The following PDS5B variants were observed in gnomAD, a reference collection of about 807,000 sequenced individuals.
PDS5B encodes the protein sister chromatid cohesion protein PDS5 homolog B.
PDS5B carries 51 observed loss-of-function variants against 184.1 expected under a neutral mutation model. That is an observed-to-expected ratio of 0.28 (90% CI 0.22 to 0.35). PDS5B has a LOEUF of 0.35. PDS5B is among the 10% of genes least tolerant of loss of function. The pLI is 1.00. For synonymous variants in PDS5B, 566 were observed against 569.2 expected (o/e 0.99, Z 0.08); for missense variants, 1,180 against 1,723.3 (o/e 0.68, Z 5.58).
chr13:32,734,354 T>C (rs115952346), intron 20 of PDS5B, among the ~76,000 whole-genome samples: 313 of 152,300 alleles, frequency 2.1e-3, no homozygotes, highest in African/African-American at 7.3e-3. Context: ...ATTTCTGATA[T>C]CATTTTATAT....
intron 21 of PDS5B, among the ~76,000 whole-genome samples, chr13:32,738,311 T>G (rs1382435359): frequency 1.3e-5 from 2 of 152,234 alleles, no homozygotes; most frequent in Admixed American, 1.3e-4. Context: ...TTATAATGTT[T>G]GTTAAAACTT....
chr13:32,636,241 C>T (rs932842584), intron 1 of PDS5B, among the ~76,000 whole-genome samples: 4 of 152,136 alleles, frequency 2.6e-5, no homozygotes, highest in Admixed American at 1.3e-4. Flanking sequence ...ATGATTCCTA[C>T]TTTTATAGAA....
intron 1 of PDS5B, among the ~76,000 whole-genome samples, chr13:32,626,032 G>T (rs1282067175): frequency 6.6e-6 from 1 of 152,036 alleles, no homozygotes; most frequent in African/African-American, 2.4e-5. Context: ...TAGGTATGGG[G>T]TTTTGCCATG....
At chr13:32,642,565 A>G (rs76361263) in intron 1 of PDS5B, among the ~76,000 whole-genome samples, 7,340 of 152,214 alleles carry the variant, frequency 0.048, 489 homozygotes, top group African/African-American at 0.16. Flanking sequence ...AGGAAAAACA[A>G]CCTGTGTATA....
intron 1 of PDS5B, among the ~76,000 whole-genome samples, chr13:32,586,990 CCCGCCGCCGCCGTCG>C (rs1555284164): frequency 6.4e-5 from 9 of 140,810 alleles, no homozygotes; most frequent in African/African-American, 2.1e-4. Context: ...CCCGCGCCCT[CCCGCCGCCGCCGTCG>C]CCGCCGCCGC....
At chr13:32,662,906 G>C (rs1388121952) in intron 6 of PDS5B, among the ~76,000 whole-genome samples, 1 of 152,000 alleles carries the variant, frequency 6.6e-6, no homozygotes, top group Non-Finnish European at 1.5e-5. Flanking sequence ...AATGAAATGA[G>C]AAACAATGGA....
At chr13:32,628,868 T>A (rs2058412633) in intron 1 of PDS5B, among the ~76,000 whole-genome samples, 2 of 152,224 alleles carry the variant, frequency 1.3e-5, no homozygotes, top group African/African-American at 4.8e-5. Flanking sequence ...TGTCAGATTT[T>A]TTTTTCCACT....
intron 12 of PDS5B, among the ~76,000 whole-genome samples, chr13:32,687,743 C>G (rs192953278): frequency 6.6e-5 from 10 of 152,172 alleles, no homozygotes; most frequent in Non-Finnish European, 1.0e-4. Context: ...CCATTCCAGG[C>G]TAAGATTAGA....
At chr13:32,640,490 G>A in intron 1 of PDS5B, among the ~76,000 whole-genome samples, 1 of 152,044 alleles carries the variant, frequency 6.6e-6, no homozygotes, top group African/African-American at 2.4e-5. Context: ...CAGGTGATCT[G>A]CCCACTTTGG....
intron 1 of PDS5B, among the ~76,000 whole-genome samples, chr13:32,604,438 G>T (rs59035802): frequency 6.6e-6 from 1 of 152,198 alleles, no homozygotes; most frequent in Non-Finnish European, 1.5e-5. Context: ...CTTGATCATG[G>T]TGGATAAGCT....
At chr13:32,679,871 CTCT>C (rs1250532744) in intron 10 of PDS5B, among the ~76,000 whole-genome samples, 1 of 128,270 alleles carries the variant, frequency 7.8e-6, no homozygotes, top group Non-Finnish European at 1.6e-5. Flanking sequence ...CCCTCCTTTC[CTCT>C]TCGTCTGTGA....
intron 1 of PDS5B, among the ~76,000 whole-genome samples, chr13:32,606,511 G>T (rs1009506819): frequency 6.6e-6 from 1 of 151,934 alleles, no homozygotes; most frequent in Non-Finnish European, 1.5e-5. Context: ...TTTTTCCTTT[G>T]TTTCAACTTT....
At chr13:32,661,254 T>C (rs1482748479) in intron 6 of PDS5B, among the ~76,000 whole-genome samples, 2 of 151,396 alleles carry the variant, frequency 1.3e-5, no homozygotes, top group African/African-American at 4.8e-5. Flanking sequence ...CGTGGCAGCA[T>C]GCGCTTATAA....
chr13:32,732,260 G>A, intron 20 of PDS5B, 36 bp downstream of exon 20: 2 of 1,433,056 alleles, frequency 1.4e-6, no homozygotes, highest in East Asian at 2.3e-5. Flanking sequence ...TATTTCATAT[G>A]TCATAGTTAC....
intron 21 of PDS5B, among the ~76,000 whole-genome samples, chr13:32,739,006 AT>A (rs1478386545): frequency 6.6e-6 from 1 of 152,078 alleles, no homozygotes; most frequent in African/African-American, 2.4e-5. Flanking sequence ...ATGTAGCTGT[AT>A]TTATCATTAT....
chr13:32,741,131 C>A lies in PDS5B; in HGVS notation c.2458C>A (p.Pro820Thr). 1.3e-6 allele frequency: 2 copies of A among 1,563,404 alleles called. No individual in the cohort carries two copies. The highest frequency in any genetic ancestry group is 8.8e-7 in the Non-Finnish European group (1 of 1,139,262). The change falls in exon 22 of 35, where the codon CCT becomes ACT. Residue 820 changes from proline to threonine, a missense_variant. Coordinates refer to ENST00000315596, the MANE Select transcript of PDS5B (RefSeq NM_015032.4). ...TTGGGTTCCAGATGAAGAAGTATCT[C>A]CTGAGACAATGGTCAAAGTGAGTAA... ...KLWVPDEEVS[P>T]ETMVKIQAIK... is the part of the protein sequence containing the mutation.
intron 9 of PDS5B, among the ~76,000 whole-genome samples, chr13:32,676,234 T>G (rs1395948474): frequency 1.3e-5 from 2 of 152,218 alleles, no homozygotes; most frequent in African/African-American, 4.8e-5. Context: ...AGGCAGTGAT[T>G]AATTCCAACT....
chr13:32,650,909 G>T (rs2140662816), intron 2 of PDS5B, among the ~76,000 whole-genome samples: 1 of 152,344 alleles, frequency 6.6e-6, no homozygotes, highest in East Asian at 1.9e-4. Flanking sequence ...AGCCCCACTT[G>T]TTGCCTAGTA....
chr13:32,750,880 T>TGTGTGTGC (rs1953957786), intron 24 of PDS5B, among the ~76,000 whole-genome samples: 1 of 151,382 alleles, frequency 6.6e-6, no homozygotes, highest in African/African-American at 2.4e-5. Flanking sequence ...TGTGTGTGTG[T>TGTGTGTGC]GTGTGTGTTT....
Sources: gnomAD v4.1 joint callset for allele counts (sites outside exome capture counted in the v4.1 genomes callset) on GRCh38, gnomAD v4.1.1 for gene constraint, MANE v1.5 for transcripts, NCBI Gene and HGNC (gene_info 2026-07-23, HGNC 2026-07-21) for gene names.